EXD2: variants seen among roughly 807,000 people sequenced by gnomAD.
EXD2 encodes exonuclease 3'-5' domain-containing protein 2.
Under a neutral mutation model 62.5 loss-of-function variants are expected in EXD2, and 40 were observed. The ratio of observed to expected loss-of-function variants is 0.64; its 90% CI spans 0.50 to 0.83. The LOEUF is 0.83. Ranked by LOEUF, EXD2 falls within the 40% of genes least tolerant of loss-of-function variation. EXD2 has a pLI of 0.00. For missense variants in EXD2, 671 were observed against 761.8 expected, an observed-to-expected ratio of 0.88 and a Z score of 1.40; for synonymous variants, 239 against 291.9, an observed-to-expected ratio of 0.82 and a Z score of 1.85.
In EXD2 at chr14:69,241,580, A is replaced by G. The variant is rs1383886364; in HGVS notation, c.*480A>G. The G allele has an allele frequency of 6.1e-6, 2 of 325,646 alleles. No individual in the cohort carries two copies. Among genetic ancestry groups the G allele is most frequent in the East Asian group, 5.0e-5 (1 of 19,824 alleles). The allele number at this position is 325,646 out of a possible 1,614,324, so 20.2% of individuals were successfully genotyped here. On this transcript the variant is annotated 3_prime_UTR_variant, in exon 10 of 10. Coordinates refer to ENST00000685843, the MANE Select transcript of EXD2 (RefSeq NM_001193360.2). ...ACAAGGAGTCAAATTTATTTTCCCA[A>G]TTCAACTTCATAATTATCATTTCTT...
intron 3 of EXD2, among the ~76,000 whole-genome samples, chr14:69,225,341 G>GT (rs1050045408): frequency 6.6e-6 from 1 of 152,034 alleles, no homozygotes; most frequent in African/African-American, 2.4e-5. Context: ...TGTTTTGTTG[G>GT]TTTTTTTCTT....
intron 3 of EXD2, among the ~76,000 whole-genome samples, chr14:69,213,571 CTTG>C (rs1180929930): frequency 5.0e-5 from 4 of 80,650 alleles, no homozygotes; most frequent in South Asian, 5.0e-4. Context: ...GAAATGGGGT[CTTG>C]TTGTGTTGCC....
At chr14:69,198,298 G>T (rs2042276752) in intron 1 of EXD2, among the ~76,000 whole-genome samples, 1 of 152,184 alleles carries the variant, frequency 6.6e-6, no homozygotes, top group South Asian at 2.1e-4. Context: ...TGGTTGTGAT[G>T]CAGTCATTCT....
intron 9 of EXD2, chr14:69,239,209 T>G (rs2043903474): frequency 6.6e-6 from 1 of 152,336 alleles, no homozygotes; most frequent in African/African-American, 2.4e-5. Flanking sequence ...TGTGACACAA[T>G]GCAGTATTCT....
In EXD2 at chr14:69,241,215, ATACT is replaced by A. The variant is rs1456064872; in HGVS notation, c.*116_*119del. ...CAAAGCCTGTGTGACACAACTCAGA[ATACT>A]AACCTAGACTAATCCCAGGATGCTT... On this transcript the variant is annotated 3_prime_UTR_variant, in exon 10 of 10. Transcript: ENST00000685843. The A allele has an allele frequency of 1.8e-5, 14 of 790,438 alleles. No individual in the cohort carries two copies. Among genetic ancestry groups the A allele is most frequent in the Non-Finnish European group, 2.4e-5 (12 of 498,376 alleles). The allele number at this position is 790,438 out of a possible 1,614,324, so 49.0% of individuals were successfully genotyped here. A position where few individuals can be genotyped will look rare whatever the true frequency, so the allele number is the denominator to read the frequency against.
At chr14:69,195,094 G>A (rs143979355) in intron 1 of EXD2, among the ~76,000 whole-genome samples, 2,230 of 152,178 alleles carry the variant, frequency 0.015, 32 homozygotes, top group Middle Eastern at 0.041. Flanking sequence ...GTGTGCGCCT[G>A]TAATCCCAGC....
At chr14:69,232,195 T>G (rs1312520558) in intron 5 of EXD2, among the ~76,000 whole-genome samples, 2 of 152,194 alleles carry the variant, frequency 1.3e-5, no homozygotes, top group Admixed American at 1.3e-4. Flanking sequence ...GATTTAAACT[T>G]TTACTGTCTT....
At chr14:69,195,196 A>G (rs963195443) in intron 1 of EXD2, among the ~76,000 whole-genome samples, 19 of 146,606 alleles carry the variant, frequency 1.3e-4, no homozygotes, top group African/African-American at 4.6e-4. Context: ...CAGCCTGAGT[A>G]ACAGAGCGAG....
intron 5 of EXD2, among the ~76,000 whole-genome samples, chr14:69,234,052 C>G (rs564637985): frequency 6.6e-6 from 1 of 152,268 alleles, no homozygotes; most frequent in African/African-American, 2.4e-5. Flanking sequence ...CAGGTGTGAG[C>G]CACCATACCT....
intron 9 of EXD2, 128 bp from the exon 10 acceptor site, chr14:69,240,756 C>T: frequency 1.4e-6 from 1 of 703,128 alleles, no homozygotes; most frequent in South Asian, 1.9e-5. Flanking sequence ...TCGAAAACAC[C>T]AAAGTAACTA....
At chr14:69,212,699 ATTTTTTTTTTT>A (rs71102635) in intron 3 of EXD2, among the ~76,000 whole-genome samples, 3 of 57,316 alleles carry the variant, frequency 5.2e-5, no homozygotes, top group African/African-American at 2.4e-4. Flanking sequence ...ATGGTTCTTG[ATTTTTTTTTTT>A]TTTTTTTTTT....
chr14:69,237,804 G>A lies in EXD2; in HGVS notation c.1522G>A (p.Ala508Thr), dbSNP rs146099727. Reference sequence around the variant, plus strand: ...CCGGCAGGTGCGTTCTGGGGCCAGGGCCCTGCTCAACGCGGAGAGCCTGCC... The same window carrying A: ...CCGGCAGGTGCGTTCTGGGGCCAGGACCCTGCTCAACGCGGAGAGCCTGCC... Reference protein sequence around the residue: ...ERRQVRSGARALLNAESLPTQ... With the variant: ...ERRQVRSGARTLLNAESLPTQ... The change falls in exon 9 of 10, where the codon GCC becomes ACC. Residue 508 changes from alanine (A) to threonine (T), a missense_variant. By Grantham distance (58) the Ala-to-Thr change is moderately conservative. Transcript: ENST00000685843. 402 of 1,613,590 alleles carry A rather than the reference G, an allele frequency of 2.5e-4. No individual in the cohort carries two copies. Among genetic ancestry groups the A allele is most frequent in the Non-Finnish European group, 3.3e-4 (393 of 1,179,896 alleles).
chr14:69,236,847 C>T (rs1423911815), intron 8 of EXD2, among the ~76,000 whole-genome samples: 2 of 152,158 alleles, frequency 1.3e-5, no homozygotes, highest in African/African-American at 4.8e-5. Context: ...AAGCTGTGTC[C>T]CTCTCATCCT....
chr14:69,200,960 G>C (rs1379426410), intron 1 of EXD2, among the ~76,000 whole-genome samples: 1 of 151,602 alleles, frequency 6.6e-6, no homozygotes, highest in African/African-American at 2.4e-5. Flanking sequence ...TGTAGTCCTA[G>C]CTACTTGGGA....
intron 3 of EXD2, among the ~76,000 whole-genome samples, chr14:69,213,695 A>T (rs2042896724): frequency 1.4e-5 from 2 of 146,374 alleles, no homozygotes; most frequent in African/African-American, 5.1e-5. Context: ...TTTTTTTGAG[A>T]CAGAGTCTCC....
intron 5 of EXD2, among the ~76,000 whole-genome samples, chr14:69,231,996 T>G (rs2043601228): frequency 6.6e-6 from 1 of 151,862 alleles, no homozygotes; most frequent in African/African-American, 2.4e-5. Flanking sequence ...TCTTCTAGTA[T>G]TCTATTCAAG....
chr14:69,224,011 G>C (rs2043276193), intron 3 of EXD2: 4 of 152,430 alleles, frequency 2.6e-5, no homozygotes, highest in Admixed American at 2.6e-4. Context: ...GGCAGGAGCA[G>C]CACCAAGACG....
chr14:69,193,198 A>C (rs1370151097), intron 1 of EXD2, among the ~76,000 whole-genome samples: 3 of 151,814 alleles, frequency 2.0e-5, no homozygotes, highest in Admixed American at 6.6e-5. Context: ...AGCTGGTATT[A>C]CAGGCACCCG....
chr14:69,212,254 G>A (rs2042829526), intron 3 of EXD2, among the ~76,000 whole-genome samples: 1 of 152,080 alleles, frequency 6.6e-6, no homozygotes, highest in Admixed American at 6.6e-5. Flanking sequence ...GCAGGCGCCT[G>A]TAATCCTAGC....
Sources: gnomAD v4.1 joint callset for allele counts (sites outside exome capture counted in the v4.1 genomes callset) on GRCh38, gnomAD v4.1.1 for gene constraint, MANE v1.5 for transcripts, NCBI Gene and HGNC (gene_info 2026-07-23, HGNC 2026-07-21) for gene names.